The following PTPRU variants were observed in gnomAD, a reference collection of about 807,000 sequenced individuals.
PTPRU encodes the protein receptor-type tyrosine-protein phosphatase U.
In PTPRU, 69 loss-of-function variants were observed where a neutral mutation model predicts 166.3. The ratio of observed to expected loss-of-function variants is 0.41; its 90% CI spans 0.34 to 0.51. The LOEUF (loss-of-function observed/expected upper bound fraction) is 0.51, where lower values mean the gene tolerates loss of function less well. PTPRU is among the 20% of genes least tolerant of loss of function. PTPRU has a pLI of 0.09. For synonymous variants in PTPRU, 793 were observed against 814.0 expected, an observed-to-expected ratio of 0.97 and a Z score of 0.44; for missense variants, 1,657 against 2,013.7, an observed-to-expected ratio of 0.82 and a Z score of 3.39.
intron 15 of PTPRU, among the ~76,000 whole-genome samples, chr1:29,293,471 G>GTTTTTT (rs201996423): frequency 7.4e-6 from 1 of 135,314 alleles, no homozygotes. Context: ...TTCGGGGGTA[G>GTTTTTT]TTTTTTGTTT....
intron 11 of PTPRU, among the ~76,000 whole-genome samples, chr1:29,282,386 C>G (rs1686119447): frequency 6.6e-6 from 1 of 152,210 alleles, no homozygotes; most frequent in African/African-American, 2.4e-5. Context: ...GTCCACGATC[C>G]TCTTAGCCTG....
rs750490439 is a variant in PTPRU, at chr1:29,323,807, G to A, written c.4112+19G>A. ...ACTGCCTGTGAGTACCTGCCCTGTG[G>A]GAGGGCGGGTGGAGGGGTTGGGGAG... On this transcript the variant is annotated intron_variant, in intron 28 of 29. Coordinates refer to ENST00000373779, the MANE Select transcript of PTPRU (RefSeq NM_133178.4). 4.3e-6 allele frequency: 7 copies of A among 1,613,070 alleles called. No individual in the cohort carries two copies. The highest frequency in any genetic ancestry group is 4.0e-5 in the African/African-American group (3 of 74,936).
chr1:29,256,326 C>G (rs1684769814), intron 2 of PTPRU, among the ~76,000 whole-genome samples: 1 of 152,176 alleles, frequency 6.6e-6, no homozygotes, highest in South Asian at 2.1e-4. Context: ...AACTTTATTA[C>G]TGATAAGGGC....
At chr1:29,314,868 C>T (rs1049824210) in intron 22 of PTPRU, among the ~76,000 whole-genome samples, 2 of 152,124 alleles carry the variant, frequency 1.3e-5, no homozygotes, top group Non-Finnish European at 2.9e-5. Context: ...CCTGAGCCAC[C>T]GTGCCTGGCC....
rs1193371886 is a variant in PTPRU, at chr1:29,291,395, G to A, written c.2319-474G>A. On this transcript the variant is annotated intron_variant, in intron 14 of 29. Transcript: ENST00000373779. The surrounding 1 kb of genome is among the most constrained non-coding windows in gnomAD (Gnocchi z 4.1). ...GGGGTGTAGTCCCTCCTTCCTGCAG[G>A]AGAAGGAGGAGTCTGGAGAGTGGTC... is the stretch of plus-strand genomic sequence containing the variant. Among the ~76,000 whole-genome samples the A allele has an allele frequency of 6.7e-6, 1 of 150,048 alleles. No individual in the cohort carries two copies. The highest frequency in any genetic ancestry group is 2.5e-5 in the African/African-American group (1 of 39,548).
chr1:29,325,621 A>C lies in PTPRU; in HGVS notation c.4271A>C (p.Asp1424Ala). 2 of 1,613,008 alleles carry C rather than the reference A, an allele frequency of 1.2e-6. No individual in the cohort carries two copies. The highest frequency in any genetic ancestry group is 1.7e-6 in the Non-Finnish European group (2 of 1,179,220). The change falls in exon 30 of 30, where the codon GAT becomes GCT. Residue 1424 changes from aspartate (D) to alanine (A), a missense_variant. Asp to Ala is a moderately radical substitution (Grantham distance 126, BLOSUM62 -2). Transcript: ENST00000373779. ...CAGGATCAGTACCACTTTTGCTACG[A>C]TGTGGCCCTGGAGTACTTGGAGGGG... ...ETMDQYHFCY[D>A]VALEYLEGLE...
Position 29,317,598 on chromosome 1 carries a change from G to C in PTPRU, c.3514-150G>C, listed in dbSNP as rs1331299906. 1 of 898,318 alleles carries C rather than the reference G, an allele frequency of 1.1e-6. No homozygotes were observed. Among genetic ancestry groups the C allele is most frequent in the African/African-American group, 1.7e-5 (1 of 59,546 alleles). 55.6% of individuals were successfully genotyped at this position (898,318 alleles called of 1,614,324 possible). ...ATAATGGCCTAGAGACAGGGAGTCT[G>C]GCTCCGTGCCCTGTACCCTTCTCTC... is the stretch of plus-strand genomic sequence containing the variant. On this transcript the variant is annotated intron_variant, in intron 24 of 29. Transcript: ENST00000373779. This position sits in a 1 kb window ranked among gnomAD's most constrained non-coding sequence, Gnocchi z 5.6.
At chr1:29,312,983 G>T (rs1006410837) in intron 22 of PTPRU, among the ~76,000 whole-genome samples, 1 of 152,152 alleles carries the variant, frequency 6.6e-6, no homozygotes, top group East Asian at 1.9e-4. Context: ...CCGCTGAGGC[G>T]CCAGGCACGA....
rs980219216 is a variant in PTPRU at position 29,317,686 on chromosome 1, G to A, written c.3514-62G>A. 2 of 1,482,566 alleles carry A rather than the reference G, an allele frequency of 1.3e-6. No individual in the cohort carries two copies. Among genetic ancestry groups the A allele is most frequent in the Admixed American group, 1.9e-5 (1 of 52,074 alleles). 91.8% of individuals were successfully genotyped at this position (1,482,566 alleles called of 1,614,324 possible). ...AACTCAGTCCAGCCTCCTTCATGGG[G>A]ATGTGAGGAGGCCCAGCAAGCCCTG... On this transcript the variant is annotated intron_variant, in intron 24 of 29. Transcript: ENST00000373779. This position sits in a 1 kb window ranked among gnomAD's most constrained non-coding sequence, Gnocchi z 5.6.
At chr1:29,316,395 G>T (rs1687903094) in intron 24 of PTPRU, among the ~76,000 whole-genome samples, 1 of 152,208 alleles carries the variant, frequency 6.6e-6, no homozygotes, top group African/African-American at 2.4e-5. Flanking sequence ...GGCTTACCTA[G>T]TTAAGAGCTG....
chr1:29,322,795 T>C (rs896394844), intron 26 of PTPRU, among the ~76,000 whole-genome samples: 5 of 151,930 alleles, frequency 3.3e-5, no homozygotes, highest in African/African-American at 1.2e-4. Flanking sequence ...TTTGTACGTG[T>C]GTTTGTGTGT....
Position 29,316,159 on chromosome 1 carries a change from A to T in PTPRU, c.3513+8A>T. On this transcript the variant is annotated splice_region_variant and intron_variant, in intron 24 of 29. Transcript: ENST00000373779. Reference sequence around the variant, plus strand: ...CTGCGGGAAGAGTTCCAGGTGGGGGATGAGTGCGTGTGTATAGGTGTGTGT... The same window carrying T: ...CTGCGGGAAGAGTTCCAGGTGGGGGTTGAGTGCGTGTGTATAGGTGTGTGT... 6.2e-7 allele frequency: 1 copy of T among 1,612,618 alleles called. No homozygotes were observed. The highest frequency in any genetic ancestry group is 2.2e-5 in the East Asian group (1 of 44,854).
intron 7 of PTPRU, among the ~76,000 whole-genome samples, chr1:29,265,061 A>G (rs1685239600): frequency 6.6e-6 from 1 of 152,200 alleles, no homozygotes; most frequent in Non-Finnish European, 1.5e-5. Context: ...AGCTTCTGTG[A>G]GCATTCATAC....
In PTPRU at chr1:29,237,955, C is replaced by T. The variant is rs1683856023; in HGVS notation, c.73+1238C>T. Among the ~76,000 whole-genome samples, 2 of 150,804 alleles carry T rather than the reference C, an allele frequency of 1.3e-5. No homozygotes were observed. Among genetic ancestry groups the T allele is most frequent in the African/African-American group, 4.8e-5 (2 of 41,326 alleles). ...TGGCTCGCCGCCGGGGGACGGCGCC[C>T]CCTCCCTTGGCGCGCAGGACGCGCG... On this transcript the variant is annotated intron_variant, in intron 1 of 29. Coordinates refer to ENST00000373779, the MANE Select transcript of PTPRU (RefSeq NM_133178.4). This position sits in a 1 kb window ranked among gnomAD's most constrained non-coding sequence, Gnocchi z 6.4.
intron 15 of PTPRU, among the ~76,000 whole-genome samples, chr1:29,300,698 A>G (rs992660509): frequency 6.6e-6 from 1 of 152,230 alleles, no homozygotes; most frequent in African/African-American, 2.4e-5. Flanking sequence ...AATTGCTTTC[A>G]GACATTGAAC....
intron 3 of PTPRU, 130 bp from the exon 4 acceptor site, chr1:29,259,131 G>C: frequency 9.7e-7 from 1 of 1,034,274 alleles, no homozygotes; most frequent in Non-Finnish European, 1.4e-6. Flanking sequence ...TTGGGAGGGA[G>C]GGTCAGTGTG....
Position 29,260,957 on chromosome 1 carries a change from A to AG in PTPRU, c.1144+58dup. The AG allele has an allele frequency of 4.1e-6, 6 of 1,461,182 alleles. No individual in the cohort carries two copies. Among genetic ancestry groups the AG allele is most frequent in the Non-Finnish European group, 5.4e-6 (6 of 1,112,108 alleles). The allele number at this position is 1,461,182 out of a possible 1,614,324, so 90.5% of individuals were successfully genotyped here. ...GTCTCTGGTGGGCCCAGGGCTATGG[A>AG]GGGGCGCATTCGAGAGGTAGCGTGG... On this transcript the variant is annotated intron_variant, in intron 7 of 29. Coordinates refer to ENST00000373779, the MANE Select transcript of PTPRU (RefSeq NM_133178.4). This position sits in a 1 kb window ranked among gnomAD's most constrained non-coding sequence, Gnocchi z 8.3.
At chr1:29,259,600 T>TGTTTGGGGGGGGGGGGGGGGGGG in intron 5 of PTPRU, 36 bp downstream of exon 5, 1 of 253,694 alleles carries the variant, frequency 3.9e-6, no homozygotes, top group Non-Finnish European at 7.7e-6. Flanking sequence ...GGGGGCGGGG[T>TGTTTGGGGGGGGGGGGGGGGGGG]GGGAGGGGGT....
At chr1:29,321,690 C>T (rs1688168646) in intron 26 of PTPRU, among the ~76,000 whole-genome samples, 1 of 152,176 alleles carries the variant, frequency 6.6e-6, no homozygotes, top group South Asian at 2.1e-4. Flanking sequence ...AAAATGGGGG[C>T]CATCATAGGA....
Sources: allele counts gnomAD v4.1 joint callset (sites outside exome capture counted in the v4.1 genomes callset), GRCh38; gene constraint gnomAD v4.1.1; non-coding constraint Gnocchi (gnomAD v3.1); transcripts MANE v1.5; gene names NCBI Gene and HGNC (gene_info 2026-07-23, HGNC 2026-07-21).